The following AGR2 variants were observed in gnomAD, a reference collection of about 807,000 sequenced individuals.
AGR2 encodes anterior gradient protein 2 homolog.
A neutral mutation model predicts 25.9 loss-of-function variants in AGR2; 27 were observed. The observed-to-expected ratio is 1.04, with a 90% CI of 0.77 to 1.44. The LOEUF (loss-of-function observed/expected upper bound fraction) is 1.44, where lower values mean the gene tolerates loss of function less well. AGR2 is among the 40% of genes most tolerant of loss of function. The pLI is 0.00. For missense variants in AGR2, 182 were observed against 200.9 expected (o/e 0.91, Z 0.57); for synonymous variants, 78 against 72.0 (o/e 1.08, Z -0.42).
intron 1 of AGR2, chr7:16,803,230 A>C (rs1212428232): frequency 6.6e-6 from 1 of 152,212 alleles, no homozygotes; most frequent in Non-Finnish European, 1.5e-5. Context: ...TGGCAAGATA[A>C]GTTTTGTGAG....
In AGR2 at chr7:16,800,734, C is replaced by T. The variant is rs185213882; in HGVS notation, c.256+417G>A. 3.2e-3 allele frequency among the ~76,000 whole-genome samples: 490 copies of T among 152,162 alleles called. 3 individuals carry two copies. The highest frequency in any genetic ancestry group is 4.8e-3 in the Admixed American group (74 of 15,280). ...CAGTGCAAAATGAAAGGGTAGAGCC[C>T]CTTGTTGAAGAATTACTAAGACTTT... is the stretch of plus-strand genomic sequence containing the variant. On this transcript the variant is annotated intron_variant, in intron 4 of 7. Coordinates refer to ENST00000419304, the MANE Select transcript of AGR2 (RefSeq NM_006408.4).
intron 6 of AGR2, 86 bp from the exon 7 acceptor site, chr7:16,795,105 G>A (rs1207261638): frequency 2.1e-6 from 3 of 1,400,736 alleles, no homozygotes; most frequent in Middle Eastern, 1.8e-4. Context: ...TGAAGTTCAT[G>A]TATTCATGTC....
At chr7:16,797,294 T>C (rs1785063500) in intron 6 of AGR2, among the ~76,000 whole-genome samples, 1 of 152,198 alleles carries the variant, frequency 6.6e-6, no homozygotes, top group Non-Finnish European at 1.5e-5. Context: ...GAAAGTTTGC[T>C]GGATTAAAAA....
chr7:16,795,810 C>G (rs1192662132), intron 6 of AGR2, among the ~76,000 whole-genome samples: 4 of 152,156 alleles, frequency 2.6e-5, no homozygotes, highest in African/African-American at 9.7e-5. Flanking sequence ...ATGTGAGAAC[C>G]ATCTGCATGT....
In AGR2 at chr7:16,794,995, T is replaced by C. The variant is rs1785020338; in HGVS notation, c.419A>G (p.Asp140Gly). ...FVDPSLTVRA[D>G]ITGRYSNRLY... Reference sequence around the variant, plus strand: ...ACGATTTGAATATCTTCCAGTGATATCGGCTCTAACTGTCAGAGATGGGTC... The same window carrying C: ...ACGATTTGAATATCTTCCAGTGATACCGGCTCTAACTGTCAGAGATGGGTC... Residue 140 changes from aspartate to glycine, a missense_variant, in exon 7 of 8, where the codon GAT (aspartate) becomes GGT (glycine). Transcript: ENST00000419304. The C allele has an allele frequency of 3.7e-6, 6 of 1,614,030 alleles. No individual in the cohort carries two copies. Among genetic ancestry groups the C allele is most frequent in the Admixed American group, 1.7e-5 (1 of 60,008 alleles).
intron 5 of AGR2, among the ~76,000 whole-genome samples, chr7:16,798,201 T>C (rs1785081054): frequency 6.6e-6 from 1 of 152,234 alleles, no homozygotes; most frequent in African/African-American, 2.4e-5. Flanking sequence ...CGGTGTAGGA[T>C]ATGCAGGTTT....
chr7:16,797,018 T>G (rs12538159), intron 6 of AGR2, among the ~76,000 whole-genome samples: 5 of 151,626 alleles, frequency 3.3e-5, no homozygotes, highest in African/African-American at 1.2e-4. Context: ...GCCTCTTGGG[T>G]TCAAGCAATT....
chr7:16,798,442 A>G (rs819008), intron 5 of AGR2, among the ~76,000 whole-genome samples: 85,495 of 151,946 alleles, frequency 0.56, 24,815 homozygotes, highest in South Asian at 0.7. Flanking sequence ...GCAGTGGCGA[A>G]AGAAGGTGCT....
At chr7:16,794,759 C>T in intron 7 of AGR2, 177 bp downstream of exon 7, 2 of 1,449,232 alleles carry the variant, frequency 1.4e-6, no homozygotes, top group Admixed American at 2.7e-5. Context: ...ACAAACAAAC[C>T]TGAGATGGAA....
chr7:16,801,551 A>C, intron 2 of AGR2, 107 bp downstream of exon 2: 1 of 1,468,746 alleles, frequency 6.8e-7, no homozygotes, highest in Non-Finnish European at 9.5e-7. Context: ...AAGGAACACA[A>C]CCAAAAATAA....
intron 1 of AGR2, 102 bp from the exon 2 acceptor site, chr7:16,801,905 C>A: frequency 1.0e-6 from 1 of 976,788 alleles, no homozygotes; most frequent in African/African-American, 1.7e-5. Flanking sequence ...GAAACTGAGG[C>A]TCTGCTGAGA....
At chr7:16,797,826 T>C in intron 5 of AGR2, 132 bp from the exon 6 acceptor site, 1 of 658,600 alleles carries the variant, frequency 1.5e-6, no homozygotes, top group South Asian at 2.0e-5. Flanking sequence ...CAGAGTTTAT[T>C]GTACAGATGA....
chr7:16,799,413 A>G (rs1483266445), intron 5 of AGR2, among the ~76,000 whole-genome samples: 3 of 152,172 alleles, frequency 2.0e-5, no homozygotes, highest in Non-Finnish European at 4.4e-5. Flanking sequence ...TTCCCAAGAG[A>G]TGACCAGGAT....
At chr7:16,799,322 G>T (rs1433988386) in intron 5 of AGR2, among the ~76,000 whole-genome samples, 3 of 152,108 alleles carry the variant, frequency 2.0e-5, no homozygotes, top group Non-Finnish European at 4.4e-5. Flanking sequence ...GTGAGGGGTG[G>T]TAGTGGTGAA....
intron 7 of AGR2, 164 bp downstream of exon 7, chr7:16,794,772 A>AGT (rs2115351795): frequency 6.7e-7 from 1 of 1,488,810 alleles, no homozygotes; most frequent in East Asian, 2.5e-5. Flanking sequence ...AGATGGAAAG[A>AGT]GTGTGATTTG....
At chr7:16,793,370 G>A (rs1218174149) in intron 7 of AGR2, among the ~76,000 whole-genome samples, 1 of 152,174 alleles carries the variant, frequency 6.6e-6, no homozygotes, top group Non-Finnish European at 1.5e-5. Context: ...TTTTTATCAT[G>A]AGGTGAATAG....
intron 6 of AGR2, among the ~76,000 whole-genome samples, chr7:16,796,117 A>G (rs948391676): frequency 2.0e-5 from 3 of 152,138 alleles, no homozygotes; most frequent in Non-Finnish European, 4.4e-5. Flanking sequence ...TTCTGATTTA[A>G]TTGGTTTGAG....
chr7:16,794,187 G>C (rs1258992285), intron 7 of AGR2, among the ~76,000 whole-genome samples: 1 of 152,184 alleles, frequency 6.6e-6, no homozygotes, highest in Non-Finnish European at 1.5e-5. Context: ...TTCAGTGTCC[G>C]GGCATTGAGC....
chr7:16,793,324 C>T (rs1304158864), intron 7 of AGR2, among the ~76,000 whole-genome samples: 1 of 152,194 alleles, frequency 6.6e-6, no homozygotes. Flanking sequence ...GCTGGGATTA[C>T]AGGCGTGAGC....
Sources: allele counts gnomAD v4.1 joint callset (sites outside exome capture counted in the v4.1 genomes callset), GRCh38; gene constraint gnomAD v4.1.1; transcripts MANE v1.5; gene names NCBI Gene and HGNC (gene_info 2026-07-23, HGNC 2026-07-21).